Variants in CCDC40 observed in about 807,000 individuals in gnomAD.
CCDC40 encodes the protein coiled-coil domain 40 molecular ruler complex subunit.
A neutral mutation model predicts 124.5 loss-of-function variants in CCDC40; 104 were observed. The observed-to-expected ratio is 0.84, with a 90% CI of 0.71 to 0.98. The LOEUF is 0.98. Ranked by LOEUF, CCDC40 falls within the 50% of genes least tolerant of loss-of-function variation. CCDC40 has a pLI of 0.00. For synonymous variants in CCDC40, 580 were observed against 602.9 expected (o/e 0.96, Z 0.56); for missense variants, 1,463 against 1,503.9 (o/e 0.97, Z 0.45).
chr17:80,080,250 C>A (rs868778242), intron 10 of CCDC40, among the ~76,000 whole-genome samples: 1 of 151,520 alleles, frequency 6.6e-6, no homozygotes, highest in Admixed American at 6.6e-5. Flanking sequence ...CGCAGAACAT[C>A]TCAGAATAAT....
intron 10 of CCDC40, among the ~76,000 whole-genome samples, chr17:80,074,324 C>G (rs1033325759): frequency 2.0e-5 from 3 of 152,136 alleles, no homozygotes; most frequent in Non-Finnish European, 2.9e-5. Context: ...TCCTGGCTAA[C>G]ACGGTGAAAC....
chr17:80,059,099 C>T (rs570338322), intron 9 of CCDC40, 119 bp downstream of exon 9: 4 of 1,298,524 alleles, frequency 3.1e-6, no homozygotes, highest in Non-Finnish European at 1.1e-6. Flanking sequence ...CTGCAGCCAG[C>T]TTACATCTGC....
chr17:80,056,218 A>C (rs976369384), intron 7 of CCDC40, among the ~76,000 whole-genome samples: 26 of 149,138 alleles, frequency 1.7e-4, no homozygotes, highest in African/African-American at 6.4e-4. Flanking sequence ...GTGTATGTGT[A>C]TCTCTCTCTC....
In CCDC40 at chr17:80,040,260, T is replaced by C. The variant is rs1598475955; in HGVS notation, c.542T>C (p.Val181Ala). Residue 181 changes from valine to alanine, a missense_variant, in exon 3 of 20, where the codon GTG becomes GCG. Val to Ala is a moderately conservative substitution (Grantham distance 64). Coordinates refer to ENST00000397545, the MANE Select transcript of CCDC40 (RefSeq NM_017950.4). ...GGCCAGGTCACCTCTGGGCCAGCAG[T>C]GGGCAGATTGGTGAGTAGCCCTGAC... ...QMGQVTSGPA[V>A]GRLTGSTEEP... The C allele has an allele frequency of 1.9e-6, 3 of 1,613,294 alleles. No individual in the cohort carries two copies. Among genetic ancestry groups the C allele is most frequent in the East Asian group, 2.2e-5 (1 of 44,850 alleles).
chr17:80,060,217 C>T (rs914594250), intron 9 of CCDC40, among the ~76,000 whole-genome samples: 13 of 151,922 alleles, frequency 8.6e-5, no homozygotes, highest in Non-Finnish European at 1.3e-4. Context: ...GGCAGATCAC[C>T]CTAGCATCGC....
chr17:80,092,586 CTG>C (rs1665908843), intron 17 of CCDC40, among the ~76,000 whole-genome samples: 1 of 152,146 alleles, frequency 6.6e-6, no homozygotes, highest in South Asian at 2.1e-4. Context: ...TGAGATTCTT[CTG>C]TGTGGTGAAG....
chr17:80,050,808 G>T (rs1156533250), intron 7 of CCDC40, among the ~76,000 whole-genome samples: 2 of 152,256 alleles, frequency 1.3e-5, no homozygotes, highest in African/African-American at 4.8e-5. Context: ...AACAGCCAGA[G>T]CGTAGAGATT....
intron 16 of CCDC40, 84 bp from the exon 17 acceptor site, chr17:80,089,680 C>T: frequency 6.5e-7 from 1 of 1,535,682 alleles, no homozygotes; most frequent in Admixed American, 1.7e-5. Context: ...AGCTTGAGAG[C>T]CTTGTAAAGC....
At chr17:80,068,781 G>A (rs1307871963) in intron 10 of CCDC40, among the ~76,000 whole-genome samples, 1 of 151,988 alleles carries the variant, frequency 6.6e-6, no homozygotes, top group Non-Finnish European at 1.5e-5. Context: ...AGAGCCTGAC[G>A]TGTAACTGAG....
chr17:80,049,303 G>T (rs1046742719), intron 5 of CCDC40, among the ~76,000 whole-genome samples: 1 of 151,882 alleles, frequency 6.6e-6, no homozygotes, highest in Admixed American at 6.6e-5. Context: ...TACTCAGGAG[G>T]CTGAGGCAGG....
At position 80,039,921 on chromosome 17, in the gene CCDC40, A is replaced by G. The variant is rs1389805312; in HGVS notation, c.203A>G (p.Glu68Gly). ...TQAEAAIEEGEVETEGEAAVE... is the reference protein window; with the variant it reads ...TQAEAAIEEGGVETEGEAAVE... Reference sequence around the variant, plus strand: ...GCGGAAGCTGCAATTGAAGAGGGGGAGGTGGAGACAGAAGGGGAAGCAGCA... The same window carrying G: ...GCGGAAGCTGCAATTGAAGAGGGGGGGGTGGAGACAGAAGGGGAAGCAGCA... Residue 68 changes from glutamate (E) to glycine (G), a missense_variant, in exon 3 of 20, where the codon GAG becomes GGG. Coordinates refer to ENST00000397545, the MANE Select transcript of CCDC40 (RefSeq NM_017950.4). The G allele has an allele frequency of 6.2e-7, 1 of 1,612,150 alleles. No individual in the cohort carries two copies. Among genetic ancestry groups the G allele is most frequent in the Non-Finnish European group, 8.5e-7 (1 of 1,178,446 alleles).
chr17:80,085,430 C>G (rs2038562280), intron 13 of CCDC40, among the ~76,000 whole-genome samples: 3 of 152,236 alleles, frequency 2.0e-5, no homozygotes. Context: ...CCTGTACTCT[C>G]AAAGCCCCTT....
intron 9 of CCDC40, among the ~76,000 whole-genome samples, chr17:80,061,929 T>A (rs1034737294): frequency 2.0e-5 from 3 of 152,138 alleles, no homozygotes; most frequent in African/African-American, 7.2e-5. Flanking sequence ...CAAAGACCTA[T>A]GCAGATAACA....
In CCDC40 at chr17:80,065,872, G is replaced by A. The variant is rs117430046; in HGVS notation, c.1562+266G>A. 0.024 allele frequency among the ~76,000 whole-genome samples: 3,616 copies of A among 152,346 alleles called. 62 individuals carry two copies. Among genetic ancestry groups the A allele is most frequent in the Middle Eastern group, 0.044 (13 of 294 alleles). On this transcript the variant is annotated intron_variant, in intron 10 of 19. Transcript: ENST00000397545. ...GGCAGGATTAAGTAGAAACAGAGCA[G>A]GGTAAAGAGAAAGCTATCTTTGGGA... is the stretch of plus-strand genomic sequence containing the variant.
chr17:80,090,374 A>G, intron 17 of CCDC40: 1 of 1,113,470 alleles, frequency 9.0e-7, no homozygotes, highest in Non-Finnish European at 1.3e-6. Flanking sequence ...GTGCACGAAC[A>G]CAGGACACAC....
In CCDC40 at chr17:80,047,493, G is replaced by A. The variant is rs376542812; in HGVS notation, c.676+91G>A. ...AAGGGATGCCACTCGTTTGTCATCC[G>A]TTACCTGTTTCCTGAGTGGCTGTGA... On this transcript the variant is annotated intron_variant, in intron 4 of 19. Transcript: ENST00000397545. The A allele has an allele frequency of 5.9e-5, 80 of 1,366,654 alleles. 1 individual carries two copies. The highest frequency in any genetic ancestry group is 4.7e-4 in the East Asian group (19 of 40,598). The allele number at this position is 1,366,654 out of a possible 1,614,324, so 84.7% of individuals were successfully genotyped here.
In CCDC40 at chr17:80,067,631, G is replaced by A. The variant is rs547942941; in HGVS notation, c.1562+2025G>A. The A allele has an allele frequency of 6.1e-5, 94 of 1,536,260 alleles. No homozygotes were observed. The East Asian group carries it at 1.5e-3, about 25-fold the overall frequency. On this transcript the variant is annotated intron_variant, in intron 10 of 19. Coordinates refer to ENST00000397545, the MANE Select transcript of CCDC40 (RefSeq NM_017950.4). ...TGCCCGGGGCATCGAGGGCGTTCGCGTCCGTCTGTTATGGCGGTGCTGCTG... is the reference window on the plus strand; with the variant it reads ...TGCCCGGGGCATCGAGGGCGTTCGCATCCGTCTGTTATGGCGGTGCTGCTG...
intron 10 of CCDC40, among the ~76,000 whole-genome samples, chr17:80,073,759 G>A (rs576555878): frequency 7.2e-5 from 11 of 152,134 alleles, no homozygotes; most frequent in South Asian, 2.1e-4. Flanking sequence ...GCAGTGGCAC[G>A]ATCTTGGCTC....
chr17:80,078,422 G>A (rs79033680), intron 10 of CCDC40, among the ~76,000 whole-genome samples: 2,493 of 151,856 alleles, frequency 0.016, 74 homozygotes, highest in African/African-American at 0.057. Context: ...TCCAGGTCTC[G>A]CTTTTAGGCA....
Sources: gnomAD v4.1 joint callset for allele counts (sites outside exome capture counted in the v4.1 genomes callset) on GRCh38, gnomAD v4.1.1 for gene constraint, MANE v1.5 for transcripts, NCBI Gene and HGNC (gene_info 2026-07-23, HGNC 2026-07-21) for gene names.